Variants in FOXP2 observed in about 807,000 individuals in gnomAD.
The protein encoded by FOXP2 is forkhead box P2.
FOXP2 carries 12 observed loss-of-function variants against 115.8 expected under a neutral mutation model. That is an observed-to-expected ratio of 0.10 (90% CI 0.07 to 0.17). The LOEUF is 0.17. FOXP2 is among the 10% of genes least tolerant of loss of function. FOXP2 has a pLI of 1.00. For synonymous variants in FOXP2, 328 were observed against 297.7 expected (o/e 1.10, Z -1.05); for missense variants, 629 against 843.5 (o/e 0.75, Z 3.15).
At chr7:114,393,634 G>T (rs1277858143) in intron 2 of FOXP2, among the ~76,000 whole-genome samples, 1 of 152,068 alleles carries the variant, frequency 6.6e-6, no homozygotes, top group Middle Eastern at 3.2e-3. Context: ...GATACAGAGT[G>T]TCAGAGCCTC....
intron 2 of FOXP2, among the ~76,000 whole-genome samples, chr7:114,321,139 G>A (rs1014463044): frequency 6.6e-6 from 1 of 151,794 alleles, no homozygotes; most frequent in African/African-American, 2.4e-5. Context: ...AGGTAACAAG[G>A]AGCCTCGCTA....
chr7:114,160,471 A>G (rs147188597), upstream of FOXP2, among the ~76,000 whole-genome samples: 219 of 152,142 alleles, frequency 1.4e-3, 1 homozygote, highest in Admixed American at 2.6e-3. Context: ...TACTCTACAT[A>G]ATTTTGGTGA....
At chr7:114,116,765 A>G (rs935886632) in intron 1 of FOXP2, among the ~76,000 whole-genome samples, 2 of 152,122 alleles carry the variant, frequency 1.3e-5, no homozygotes, top group African/African-American at 4.8e-5. Context: ...ATGTGGAAGA[A>G]AAGTGAATAG....
At chr7:114,401,348 A>G (rs539170847) in intron 2 of FOXP2, among the ~76,000 whole-genome samples, 1 of 152,304 alleles carries the variant, frequency 6.6e-6, no homozygotes, top group East Asian at 1.9e-4. Flanking sequence ...TTTGCACTGA[A>G]ACTTTTGCTT....
chr7:114,532,621 G>A (rs1799193691), intron 2 of FOXP2, among the ~76,000 whole-genome samples: 1 of 151,868 alleles, frequency 6.6e-6, no homozygotes, highest in African/African-American at 2.4e-5. Flanking sequence ...TGATTTTCAA[G>A]ATAGCTTTTA....
chr7:114,412,861 G>A (rs1793199255), upstream of FOXP2, among the ~76,000 whole-genome samples: 1 of 152,052 alleles, frequency 6.6e-6, no homozygotes, highest in Non-Finnish European at 1.5e-5. Flanking sequence ...AGACACTAGT[G>A]GTATTGTTTG....
At chr7:114,609,010 G>T (rs1041332512) in intron 3 of FOXP2, among the ~76,000 whole-genome samples, 1 of 151,894 alleles carries the variant, frequency 6.6e-6, no homozygotes, top group Non-Finnish European at 1.5e-5. Context: ...ACCAGCCTGA[G>T]CAACATGACG....
At chr7:114,340,902 A>G (rs1442905962) in intron 2 of FOXP2, among the ~76,000 whole-genome samples, 1 of 151,154 alleles carries the variant, frequency 6.6e-6, no homozygotes, top group South Asian at 2.1e-4. Context: ...TGATATTTGA[A>G]TACATATTTT....
chr7:114,138,061 G>A (rs1436756564), intron 1 of FOXP2, among the ~76,000 whole-genome samples: 1 of 151,952 alleles, frequency 6.6e-6, no homozygotes, highest in Non-Finnish European at 1.5e-5. Flanking sequence ...TTAAAATTTG[G>A]AAAATAAATA....
At chr7:114,242,198 T>G (rs1795174148) in intron 1 of FOXP2, among the ~76,000 whole-genome samples, 1 of 151,732 alleles carries the variant, frequency 6.6e-6, no homozygotes, top group Admixed American at 6.6e-5. Context: ...TATAGGTCAT[T>G]GGTTTGAAGG....
intron 16 of FOXP2, among the ~76,000 whole-genome samples, chr7:114,688,767 G>C (rs1316943102): frequency 1.3e-5 from 2 of 152,116 alleles, no homozygotes; most frequent in African/African-American, 4.8e-5. Flanking sequence ...TTTATTGACA[G>C]TTGGTAAAGA....
chr7:114,514,056 T>C (rs1798204928), intron 2 of FOXP2, among the ~76,000 whole-genome samples: 2 of 150,660 alleles, frequency 1.3e-5, no homozygotes, highest in Non-Finnish European at 3.0e-5. Flanking sequence ...TCACTAACAT[T>C]TTTAAAATTG....
intron 2 of FOXP2, among the ~76,000 whole-genome samples, chr7:114,311,844 C>T (rs1797153052): frequency 6.6e-6 from 1 of 152,102 alleles, no homozygotes; most frequent in Non-Finnish European, 1.5e-5. Context: ...TGCTTTAGTT[C>T]TGGGACCCCT....
intron 2 of FOXP2, among the ~76,000 whole-genome samples, chr7:114,518,562 G>C (rs1406854255): frequency 6.6e-6 from 1 of 152,062 alleles, no homozygotes; most frequent in Non-Finnish European, 1.5e-5. Context: ...GAGTGCAGTG[G>C]CATGATCTCA....
intron 1 of FOXP2, among the ~76,000 whole-genome samples, chr7:114,147,996 G>C (rs1220549470): frequency 1.3e-5 from 2 of 152,186 alleles, no homozygotes; most frequent in Non-Finnish European, 2.9e-5. Flanking sequence ...AGGGGTTCAA[G>C]TGGCCACACT....
chr7:114,221,533 T>A (rs1300978013), intron 1 of FOXP2, among the ~76,000 whole-genome samples: 5 of 152,304 alleles, frequency 3.3e-5, no homozygotes, highest in South Asian at 4.1e-4. Context: ...TTTCCATGTG[T>A]ATCTTCCTAT....
chr7:114,584,439 A>G (rs181012533), intron 3 of FOXP2, among the ~76,000 whole-genome samples: 1 of 152,138 alleles, frequency 6.6e-6, no homozygotes, highest in African/African-American at 2.4e-5. Flanking sequence ...AAACTTGACA[A>G]TTTTTTAACA....
rs544900670 is a variant in FOXP2, at chr7:114,628,513, T to G, written c.259-27T>G. The G allele has an allele frequency of 1.9e-6, 3 of 1,613,700 alleles. No homozygotes were observed. The African/African-American group carries it at 4.0e-5, about 22-fold the overall frequency. ...AGATATTTGGTTATGACCACGAATT[T>G]TCTTTCTCTTTCTCTTTCTGTGCAA... On this transcript the variant is annotated intron_variant, in intron 3 of 16. Transcript: ENST00000350908.
intron 1 of FOXP2, among the ~76,000 whole-genome samples, chr7:114,281,764 G>A (rs984602487): frequency 7.2e-5 from 11 of 152,004 alleles, no homozygotes; most frequent in Admixed American, 2.0e-4. Context: ...GTTTCAAACT[G>A]TACCCATAAT....
Sources: gnomAD v4.1 joint callset for allele counts (sites outside exome capture counted in the v4.1 genomes callset) on GRCh38, gnomAD v4.1.1 for gene constraint, MANE v1.5 for transcripts, NCBI Gene and HGNC (gene_info 2026-07-23, HGNC 2026-07-21) for gene names.